LARS2: variants seen among roughly 807,000 people sequenced by gnomAD.
LARS2 encodes the protein leucine--tRNA ligase, mitochondrial.
A neutral mutation model predicts 116.6 loss-of-function variants in LARS2; 81 were observed. The observed-to-expected ratio is 0.69, with a 90% CI of 0.58 to 0.84. The LOEUF (loss-of-function observed/expected upper bound fraction) is 0.84, where lower values mean the gene tolerates loss of function less well. Ranked by LOEUF, LARS2 falls within the 40% of genes least tolerant of loss-of-function variation. LARS2 has a pLI of 0.00. For missense variants in LARS2, 968 were observed against 1,114.5 expected, an observed-to-expected ratio of 0.87 and a Z score of 1.87; for synonymous variants, 396 against 407.2, an observed-to-expected ratio of 0.97 and a Z score of 0.33.
chr3:45,415,892 GGGAGAGAGAGAGAGAGA>G (rs1698411417), intron 4 of LARS2, among the ~76,000 whole-genome samples: 1 of 69,750 alleles, frequency 1.4e-5, no homozygotes, highest in Non-Finnish European at 2.5e-5. Flanking sequence ...GAGAGAGAGA[GGGAGAGAGAGAGAGAGA>G]GAGAGAGAGA....
At chr3:45,496,205 T>G (rs1214232041) in intron 13 of LARS2, 70 bp from the exon 14 acceptor site, 5 of 1,227,766 alleles carry the variant, frequency 4.1e-6, no homozygotes, top group Non-Finnish European at 6.0e-6. Context: ...TATAGCTCTC[T>G]CAAAAGCTGA....
At chr3:45,504,670 C>G (rs1306080639) in intron 15 of LARS2, among the ~76,000 whole-genome samples, 1 of 151,890 alleles carries the variant, frequency 6.6e-6, no homozygotes, top group Non-Finnish European at 1.5e-5. Flanking sequence ...ATTTACCTAA[C>G]TAGATAAAGA....
intron 14 of LARS2, 59 bp downstream of exon 14, chr3:45,496,432 A>C: frequency 8.1e-7 from 1 of 1,235,276 alleles, no homozygotes; most frequent in Non-Finnish European, 1.2e-6. Context: ...CCTAGAAGCA[A>C]AGACCAAGAT....
intron 8 of LARS2, among the ~76,000 whole-genome samples, chr3:45,465,833 T>C (rs1280180582): frequency 6.6e-6 from 1 of 152,218 alleles, no homozygotes; most frequent in Non-Finnish European, 1.5e-5. Flanking sequence ...ATGTAGTCTC[T>C]ATTAGGTCAA....
intron 19 of LARS2, among the ~76,000 whole-genome samples, chr3:45,521,910 C>A (rs1421664281): frequency 1.3e-5 from 2 of 151,864 alleles, no homozygotes; most frequent in Non-Finnish European, 2.9e-5. Flanking sequence ...GAGTTTGAGA[C>A]CAGCCTGGGC....
intron 8 of LARS2, among the ~76,000 whole-genome samples, chr3:45,463,003 G>A (rs909723981): frequency 6.6e-6 from 1 of 152,230 alleles, no homozygotes; most frequent in South Asian, 2.1e-4. Flanking sequence ...AAAACTTGCA[G>A]TAGGAGTATC....
At chr3:45,414,130 C>T (rs1053986242) in intron 4 of LARS2, among the ~76,000 whole-genome samples, 4 of 152,144 alleles carry the variant, frequency 2.6e-5, no homozygotes, top group Non-Finnish European at 1.5e-5. Context: ...AAGATTTATG[C>T]CCAAGAATGT....
chr3:45,415,657 G>A (rs1252577072), intron 4 of LARS2, among the ~76,000 whole-genome samples: 3 of 151,968 alleles, frequency 2.0e-5, no homozygotes, highest in African/African-American at 7.3e-5. Context: ...AGACCAGCCT[G>A]GCCAACATAG....
rs1374154620 is a variant in LARS2, at chr3:45,437,607, G to A, written c.517-9284G>A. On this transcript the variant is annotated intron_variant, in intron 6 of 21. Coordinates refer to ENST00000645846, the MANE Select transcript of LARS2 (RefSeq NM_015340.4). ...GGAAGGAGGAAGACGTGGCTATGTG[G>A]TCTAGGAGAGAGCTGCTGGCTGGGA... is the stretch of plus-strand genomic sequence containing the variant. Among the ~76,000 whole-genome samples the A allele has an allele frequency of 3.3e-5, 5 of 152,214 alleles. No individual in the cohort carries two copies. In the East Asian group the frequency reaches 9.6e-4, roughly 29 times the overall value.
intron 5 of LARS2, 118 bp from the exon 6 acceptor site, chr3:45,419,551 T>C: frequency 2.5e-6 from 2 of 791,656 alleles, no homozygotes; most frequent in South Asian, 3.3e-5. Flanking sequence ...AAAGCAACAC[T>C]TAAAACCCAT....
At position 45,474,247 on chromosome 3, in the gene LARS2, T is replaced by C. The variant is rs939979488; in HGVS notation, c.755T>C (p.Met252Thr). 6.2e-7 allele frequency: 1 copy of C among 1,604,682 alleles called. No homozygotes were observed. Among genetic ancestry groups the C allele is most frequent in the Non-Finnish European group, 8.5e-7 (1 of 1,172,550 alleles). The change falls in exon 9 of 22, where the codon ATG (methionine) becomes ACG (threonine). Residue 252 changes from methionine to threonine, a missense_variant. Coordinates refer to ENST00000645846, the MANE Select transcript of LARS2 (RefSeq NM_015340.4). ...FIKTTAYAKA[M>T]QDALADLPEW... ...GTTCTCCTTTCATTTGCACAGGCCA[T>C]GCAGGACGCGTTGGCAGACCTTCCA...
chr3:45,479,708 G>A (rs1407406637), intron 10 of LARS2, among the ~76,000 whole-genome samples: 1 of 152,164 alleles, frequency 6.6e-6, no homozygotes, highest in Non-Finnish European at 1.5e-5. Flanking sequence ...GTCATGTTAT[G>A]TAAGCTCTCA....
At chr3:45,498,560 T>G (rs867933561) in intron 14 of LARS2, among the ~76,000 whole-genome samples, 1 of 152,228 alleles carries the variant, frequency 6.6e-6, no homozygotes, top group Non-Finnish European at 1.5e-5. Flanking sequence ...AAATATGTGG[T>G]GGTAGCCAGG....
intron 6 of LARS2, among the ~76,000 whole-genome samples, chr3:45,442,728 C>G (rs1486384479): frequency 6.6e-6 from 1 of 152,104 alleles, no homozygotes; most frequent in African/African-American, 2.4e-5. Context: ...ATAGGGCTAC[C>G]CCCGATGGAG....
At chr3:45,410,725 T>C (rs1698318201) in intron 4 of LARS2, among the ~76,000 whole-genome samples, 1 of 152,238 alleles carries the variant, frequency 6.6e-6, no homozygotes, top group Non-Finnish European at 1.5e-5. Flanking sequence ...TTATGGCTTC[T>C]GACCAAGGAG....
chr3:45,484,520 C>T (rs1233295012), intron 10 of LARS2, among the ~76,000 whole-genome samples: 1 of 137,650 alleles, frequency 7.3e-6, no homozygotes, highest in Non-Finnish European at 1.5e-5. Flanking sequence ...AATCCCAGCG[C>T]TTTGGGAGTC....
chr3:45,469,374 C>G (rs1575274513), intron 8 of LARS2, among the ~76,000 whole-genome samples: 2 of 152,082 alleles, frequency 1.3e-5, no homozygotes, highest in Non-Finnish European at 1.5e-5. Context: ...GAGACAGACT[C>G]TCACTCTGTC....
At chr3:45,419,559 C>T in intron 5 of LARS2, 110 bp from the exon 6 acceptor site, 1 of 833,414 alleles carries the variant, frequency 1.2e-6, no homozygotes, top group Non-Finnish European at 2.0e-6. Context: ...ACTTAAAACC[C>T]ATTTGAATAA....
chr3:45,471,795 G>C (rs1559479900), intron 8 of LARS2, among the ~76,000 whole-genome samples: 1 of 152,160 alleles, frequency 6.6e-6, no homozygotes, highest in Non-Finnish European at 1.5e-5. Context: ...CGTGCTCGTT[G>C]ACATTTAAGA....
Sources: allele counts gnomAD v4.1 joint callset (sites outside exome capture counted in the v4.1 genomes callset), GRCh38; gene constraint gnomAD v4.1.1; transcripts MANE v1.5; gene names NCBI Gene and HGNC (gene_info 2026-07-23, HGNC 2026-07-21).